CREB5: variants seen among roughly 807,000 people sequenced by gnomAD.
CREB5 encodes the protein cAMP responsive element binding protein 5, also known as cyclic AMP-responsive element-binding protein 5.
Under a neutral mutation model 57.1 loss-of-function variants are expected in CREB5, and 19 were observed. The ratio of observed to expected loss-of-function variants is 0.33; its 90% CI spans 0.23 to 0.49. The LOEUF (loss-of-function observed/expected upper bound fraction) is 0.49, where lower values mean the gene tolerates loss of function less well. Among genes scored for constraint, CREB5 ranks in the 20% least tolerant of loss-of-function variants. The pLI is 0.99. For synonymous variants in CREB5, 238 were observed against 238.3 expected, an observed-to-expected ratio of 1.00 and a Z score of 0.01; for missense variants, 579 against 671.6, an observed-to-expected ratio of 0.86 and a Z score of 1.52.
At chr7:28,490,827 T>G (rs916388558) in intron 2 of CREB5, among the ~76,000 whole-genome samples, 2 of 152,274 alleles carry the variant, frequency 1.3e-5, no homozygotes, top group Non-Finnish European at 2.9e-5. Context: ...TTTCGATCCC[T>G]TGTCTTTGGG....
intron 1 of CREB5, among the ~76,000 whole-genome samples, chr7:28,308,655 G>C (rs988575998): frequency 6.6e-6 from 1 of 152,106 alleles, no homozygotes; most frequent in African/African-American, 2.4e-5. Context: ...CCTGTCTTAT[G>C]CCAGTCCCCC....
chr7:28,731,834 G>A (rs1042510476), intron 7 of CREB5, among the ~76,000 whole-genome samples: 4 of 152,284 alleles, frequency 2.6e-5, no homozygotes, highest in Middle Eastern at 3.4e-3. Context: ...CAAATTCCCC[G>A]AAGGAATGGG....
chr7:28,622,133 A>G (rs568444517), intron 5 of CREB5, among the ~76,000 whole-genome samples: 4 of 152,300 alleles, frequency 2.6e-5, no homozygotes, highest in African/African-American at 9.6e-5. Context: ...GATAGTGTGC[A>G]CACAATGTGA....
chr7:28,438,764 C>A (rs1789062797), intron 1 of CREB5, among the ~76,000 whole-genome samples: 1 of 152,180 alleles, frequency 6.6e-6, no homozygotes, highest in African/African-American at 2.4e-5. Context: ...AAGTGGGGAG[C>A]AACTGGATTT....
chr7:28,315,795 C>A (rs144854812), intron 1 of CREB5, among the ~76,000 whole-genome samples: 27 of 152,332 alleles, frequency 1.8e-4, no homozygotes, highest in African/African-American at 6.3e-4. Flanking sequence ...AGCTATATAT[C>A]TTCCAATGTG....
intron 1 of CREB5, among the ~76,000 whole-genome samples, chr7:28,442,948 A>C (rs1032200218): frequency 6.6e-6 from 1 of 152,220 alleles, no homozygotes; most frequent in Admixed American, 6.5e-5. Context: ...GTAGGACAGT[A>C]ATAGAAGCTA....
At chr7:28,356,136 C>A (rs1204730978) in intron 1 of CREB5, among the ~76,000 whole-genome samples, 3 of 152,196 alleles carry the variant, frequency 2.0e-5, no homozygotes, top group African/African-American at 7.2e-5. Context: ...GAAAGAACGG[C>A]ACTTTTCTAA....
At position 28,688,210 on chromosome 7, in the gene CREB5, T is replaced by C. The variant is rs1207911650; in HGVS notation, c.465-30543T>C. ...AACAAACATGGTAAACTTTTTAGTT[T>C]TCAAATGCTACCTTTGAGGAGACCT... On this transcript the variant is annotated intron_variant, in intron 5 of 10. Coordinates refer to ENST00000357727, the MANE Select transcript of CREB5 (RefSeq NM_182898.4). 5.9e-5 allele frequency among the ~76,000 whole-genome samples: 9 copies of C among 152,200 alleles called. No individual in the cohort carries two copies. In the East Asian group the frequency reaches 1.7e-3, roughly 29 times the overall value.
At chr7:28,530,872 A>G (rs1793698077) in intron 4 of CREB5, among the ~76,000 whole-genome samples, 1 of 152,214 alleles carries the variant, frequency 6.6e-6, no homozygotes, top group South Asian at 2.1e-4. Context: ...TGGTGGCCTT[A>G]TTAAGACAAG....
chr7:28,755,162 G>T (rs1805225219), intron 7 of CREB5, among the ~76,000 whole-genome samples: 1 of 152,172 alleles, frequency 6.6e-6, no homozygotes. Flanking sequence ...AAGAGAAAGT[G>T]CTTTAGAAGT....
At chr7:28,517,937 C>T (rs982246703) in intron 4 of CREB5, among the ~76,000 whole-genome samples, 4 of 152,122 alleles carry the variant, frequency 2.6e-5, no homozygotes, top group African/African-American at 9.7e-5. Context: ...TTGCTGCTGG[C>T]AGGATGAGAC....
intron 3 of CREB5, among the ~76,000 whole-genome samples, chr7:28,502,117 G>T (rs1417856762): frequency 6.6e-6 from 1 of 152,188 alleles, no homozygotes; most frequent in Non-Finnish European, 1.5e-5. Context: ...TTTCAGGACA[G>T]ATGCAGGGAA....
At chr7:28,779,485 C>A (rs576097243) in intron 7 of CREB5, among the ~76,000 whole-genome samples, 56 of 152,292 alleles carry the variant, frequency 3.7e-4, no homozygotes, top group South Asian at 2.1e-3. Flanking sequence ...CTGCCTCCCT[C>A]ATCCAGGCCT....
intron 2 of CREB5, among the ~76,000 whole-genome samples, chr7:28,490,588 C>G (rs1348888688): frequency 5.3e-5 from 8 of 152,176 alleles, no homozygotes; most frequent in African/African-American, 1.9e-4. Context: ...AGCTTGGCAC[C>G]GTTAATATTT....
At position 28,668,015 on chromosome 7, in the gene CREB5, C is replaced by A. The variant is rs527768074; in HGVS notation, c.465-50738C>A. Among the ~76,000 whole-genome samples, 15 of 152,300 alleles carry A rather than the reference C, an allele frequency of 9.8e-5. No homozygotes were observed. In the South Asian group the frequency reaches 3.1e-3, roughly 32 times the overall value. Reference sequence around the variant, plus strand: ...ATGAAGTTAATCATACTTCTTCTTGCATAATTTCCCCAGCCTTGAGTACTA... The same window carrying A: ...ATGAAGTTAATCATACTTCTTCTTGAATAATTTCCCCAGCCTTGAGTACTA... On this transcript the variant is annotated intron_variant, in intron 5 of 10. Coordinates refer to ENST00000357727, the MANE Select transcript of CREB5 (RefSeq NM_182898.4).
intron 1 of CREB5, among the ~76,000 whole-genome samples, chr7:28,478,688 T>C (rs1447905402): frequency 6.6e-6 from 1 of 152,268 alleles, no homozygotes; most frequent in East Asian, 1.9e-4. Flanking sequence ...GTAGGAGATA[T>C]ATTTGTATGT....
At chr7:28,446,859 G>C (rs73075816) in intron 1 of CREB5, among the ~76,000 whole-genome samples, 1,523 of 152,256 alleles carry the variant, frequency 0.01, 13 homozygotes, top group Middle Eastern at 0.027. Context: ...GGTGGTGTCG[G>C]TGTTAAAGTC....
intron 1 of CREB5, among the ~76,000 whole-genome samples, chr7:28,442,726 T>C (rs980818370): frequency 6.6e-6 from 1 of 152,210 alleles, no homozygotes; most frequent in South Asian, 2.1e-4. Context: ...CTAAGTTGTA[T>C]AGTAAATGGT....
At position 28,825,196 on chromosome 7, in the gene CREB5, T is replaced by A. The variant is rs1247512782; in HGVS notation, c.*5917T>A. The A allele has an allele frequency of 6.6e-6, 1 of 152,622 alleles. No homozygotes were observed. The highest frequency in any genetic ancestry group is 1.9e-4 in the East Asian group (1 of 5,202). The allele number at this position is 152,622 out of a possible 1,614,324, so 9.5% of individuals were successfully genotyped here. Reference sequence around the variant, plus strand: ...ACAGGAGATAATGAAAGGTATCAGTTGTGTTGAGTGGAGGGAGTTTAAGAG... The same window carrying A: ...ACAGGAGATAATGAAAGGTATCAGTAGTGTTGAGTGGAGGGAGTTTAAGAG... On this transcript the variant is annotated 3_prime_UTR_variant, in exon 11 of 11. Transcript: ENST00000357727.
Sources: allele counts gnomAD v4.1 joint callset (sites outside exome capture counted in the v4.1 genomes callset), GRCh38; gene constraint gnomAD v4.1.1; transcripts MANE v1.5; gene names NCBI Gene and HGNC (gene_info 2026-07-23, HGNC 2026-07-21).